CEP95: variants seen among roughly 807,000 people sequenced by gnomAD.
CEP95 encodes the protein centrosomal protein 95.
A neutral mutation model predicts 111.2 loss-of-function variants in CEP95; 98 were observed. The ratio of observed to expected loss-of-function variants is 0.88; its 90% CI spans 0.75 to 1.04. The LOEUF is 1.04. Among genes scored for constraint, CEP95 ranks in the 50% least tolerant of loss-of-function variants. The probability of loss-of-function intolerance (pLI) is 0.00; values close to 1 mark genes in which losing one functional copy is unlikely to be tolerated. For missense variants in CEP95, 1,027 were observed against 977.2 expected, an observed-to-expected ratio of 1.05 and a Z score of -0.68; for synonymous variants, 323 against 327.1, an observed-to-expected ratio of 0.99 and a Z score of 0.14.
intron 14 of CEP95, 103 bp downstream of exon 14, chr17:64,532,125 C>T (rs1049595921): frequency 1.4e-5 from 19 of 1,366,550 alleles, no homozygotes; most frequent in South Asian, 4.4e-5. Context: ...ACCAGTTAGC[C>T]GAAGAAAGTT....
intron 13 of CEP95, 67 bp downstream of exon 13, chr17:64,531,085 T>G: frequency 1.1e-6 from 1 of 932,946 alleles, no homozygotes; most frequent in East Asian, 2.8e-5. Context: ...AAAGATGATC[T>G]TTTTAAAAGA....
intron 11 of CEP95, among the ~76,000 whole-genome samples, chr17:64,528,915 T>C (rs192082619): frequency 1.0e-3 from 154 of 152,334 alleles, no homozygotes; most frequent in African/African-American, 3.6e-3. Flanking sequence ...TATGTATGCT[T>C]ACATCCCACC....
chr17:64,507,974 A>G (rs2038661301), intron 1 of CEP95: 2 of 985,310 alleles, frequency 2.0e-6, no homozygotes, highest in African/African-American at 3.5e-5. Flanking sequence ...AACAGTATTG[A>G]TAATTCTGAG....
chr17:64,537,148 A>G (rs1968715263), intron 19 of CEP95, 36 bp downstream of exon 19: 1 of 1,600,610 alleles, frequency 6.2e-7, no homozygotes, highest in Middle Eastern at 1.7e-4. Flanking sequence ...CATGCACTGC[A>G]TGGCAATGTT....
intron 8 of CEP95, among the ~76,000 whole-genome samples, chr17:64,524,451 C>A (rs1324530189): frequency 6.6e-6 from 1 of 151,966 alleles, no homozygotes; most frequent in Non-Finnish European, 1.5e-5. Context: ...GGACTACAGG[C>A]ACACGTGCCA....
At chr17:64,534,393 G>A (rs1279907779) in intron 16 of CEP95, 192 bp from the exon 17 acceptor site, 2 of 546,678 alleles carry the variant, frequency 3.7e-6, no homozygotes, top group South Asian at 2.1e-5. Context: ...CTGCAGTGGG[G>A]TGTTATTGGA....
chr17:64,533,787 C>CT, intron 16 of CEP95, among the ~76,000 whole-genome samples: 1 of 152,222 alleles, frequency 6.6e-6, no homozygotes, highest in South Asian at 2.1e-4. Context: ...AGGGACACAG[C>CT]TGAGATTTTA....
Position 64,513,765 on chromosome 17 carries a change from G to GT in CEP95, c.257-474dup, listed in dbSNP as rs200191244. ...ATGAAAGTATCCCAACAAGTTTATT[G>GT]TTTTTTTTTGTTGTTTTGATGTTAC... On this transcript the variant is annotated intron_variant, in intron 3 of 19. Coordinates refer to ENST00000556440, the MANE Select transcript of CEP95 (RefSeq NM_138363.3). Among the ~76,000 whole-genome samples the GT allele has an allele frequency of 1.3e-3, 200 of 150,978 alleles. 2 individuals carry two copies. The highest frequency in any genetic ancestry group is 0.01 in the East Asian group (54 of 5,158).
At chr17:64,530,414 T>C (rs1377562538) in intron 12 of CEP95, among the ~76,000 whole-genome samples, 1 of 151,794 alleles carries the variant, frequency 6.6e-6, no homozygotes, top group Non-Finnish European at 1.5e-5. Context: ...ACATTTGTGA[T>C]ATAGAGTCTG....
chr17:64,534,472 C>T (rs895918776), intron 16 of CEP95, 113 bp from the exon 17 acceptor site: 21 of 950,266 alleles, frequency 2.2e-5, no homozygotes, highest in Non-Finnish European at 3.3e-5. Context: ...TGGCCCCCCA[C>T]ACGTGACATA....
At chr17:64,512,121 C>T (rs1295618396) in intron 3 of CEP95, among the ~76,000 whole-genome samples, 1 of 152,258 alleles carries the variant, frequency 6.6e-6, no homozygotes, top group South Asian at 2.1e-4. Context: ...GTGTTGGGAA[C>T]AATCTCTAGC....
In CEP95 at chr17:64,537,671, G is replaced by GAT; in HGVS notation, c.2360_2361dup (p.Thr788Ter). Reference sequence around the variant, plus strand: ...AGGAAATTCAGCAGCTGCAGGACATGATAACACAGAATGATGATGATGTTT... The same window carrying GAT: ...AGGAAATTCAGCAGCTGCAGGACATGATATAACACAGAATGATGATGATGTTT... On this transcript the variant is annotated frameshift_variant, in exon 20 of 20. Coordinates refer to ENST00000556440, the MANE Select transcript of CEP95 (RefSeq NM_138363.3). LOFTEE classifies it high-confidence loss of function. 6.2e-7 allele frequency: 1 copy of GAT among 1,613,512 alleles called. No individual in the cohort carries two copies.
Position 64,526,993 on chromosome 17 carries a change from G to A in CEP95, c.1153-118G>A, listed in dbSNP as rs941857919. On this transcript the variant is annotated intron_variant, in intron 10 of 19. Transcript: ENST00000556440. ...AGTAAATAATTAAACATGCATAAGC[G>A]TCTGAAAACTTGTTATTAGTGACTG... The A allele has an allele frequency of 6.1e-5, 43 of 703,798 alleles. 1 individual carries two copies. The highest frequency in any genetic ancestry group is 2.6e-4 in the South Asian group (14 of 53,496). 43.6% of individuals were successfully genotyped at this position (703,798 alleles called of 1,614,324 possible). A position where few individuals can be genotyped will look rare whatever the true frequency, so the allele number is the denominator to read the frequency against.
intron 19 of CEP95, chr17:64,537,358 G>A: frequency 7.1e-7 from 1 of 1,401,018 alleles, no homozygotes; most frequent in Non-Finnish European, 9.3e-7. Flanking sequence ...TTTTTAGGAA[G>A]TAGAAAACCA....
At chr17:64,537,303 C>T in intron 19 of CEP95, 191 bp downstream of exon 19, 1 of 1,405,338 alleles carries the variant, frequency 7.1e-7, no homozygotes, top group Non-Finnish European at 9.3e-7. Flanking sequence ...TGATGCATTT[C>T]TTGGAACATA....
chr17:64,508,826 CTTGT>C lies in CEP95; in HGVS notation c.148+109_148+112del, dbSNP rs377630621. On this transcript the variant is annotated intron_variant, in intron 2 of 19. Transcript: ENST00000556440. ...TTTATAAAATTTCATTTTCTCTTTG[CTTGT>C]TTCTTTTTTTAATATTGCATATTAA... 538 of 388,714 alleles carry C rather than the reference CTTGT, an allele frequency of 1.4e-3. 7 individuals carry two copies. Among genetic ancestry groups the C allele is most frequent in the African/African-American group, 9.0e-3 (426 of 47,092 alleles). The allele number at this position is 388,714 out of a possible 1,614,324, so 24.1% of individuals were successfully genotyped here. A position where few individuals can be genotyped will look rare whatever the true frequency, so the allele number is the denominator to read the frequency against.
rs781806588 is a variant in CEP95 at position 64,516,839 on chromosome 17, G to A, written c.473+11G>A. On this transcript the variant is annotated intron_variant, in intron 5 of 19. Transcript: ENST00000556440. ...AGTTTCTTTTGGGAGGTAGCACTTAGTGTCTCTGAATTTGATGAAAACAAG... is the reference window on the plus strand; with the variant it reads ...AGTTTCTTTTGGGAGGTAGCACTTAATGTCTCTGAATTTGATGAAAACAAG... The A allele has an allele frequency of 5.5e-6, 8 of 1,465,182 alleles. No homozygotes were observed. Among genetic ancestry groups the A allele is most frequent in the Middle Eastern group, 1.7e-4 (1 of 5,796 alleles). The allele number at this position is 1,465,182 out of a possible 1,614,324, so 90.8% of individuals were successfully genotyped here. A position where few individuals can be genotyped will look rare whatever the true frequency, so the allele number is the denominator to read the frequency against.
chr17:64,513,325 C>T (rs541384517), intron 3 of CEP95, among the ~76,000 whole-genome samples: 1 of 152,248 alleles, frequency 6.6e-6, no homozygotes, highest in African/African-American at 2.4e-5. Context: ...CAGGCATGAT[C>T]TCCCAAAGGA....
intron 8 of CEP95, among the ~76,000 whole-genome samples, chr17:64,524,560 C>A (rs1555678644): frequency 1.3e-5 from 2 of 152,144 alleles, no homozygotes; most frequent in African/African-American, 4.8e-5. Flanking sequence ...ACCTGCCTGC[C>A]TCTGCTTCCC....
Sources: allele counts gnomAD v4.1 joint callset (sites outside exome capture counted in the v4.1 genomes callset), GRCh38; gene constraint gnomAD v4.1.1; transcripts MANE v1.5; gene names NCBI Gene and HGNC (gene_info 2026-07-23, HGNC 2026-07-21).